Variants in THNSL2 observed in about 807,000 individuals in gnomAD.
The protein encoded by THNSL2 is threonine synthase like 2, also known as threonine synthase-like 2.
Under a neutral mutation model 40.0 loss-of-function variants are expected in THNSL2, and 34 were observed. The ratio of observed to expected loss-of-function variants is 0.85; its 90% CI spans 0.65 to 1.13. The LOEUF is 1.13. THNSL2 is among the 50% of genes most tolerant of loss of function. The probability of loss-of-function intolerance (pLI) is 0.00; values close to 1 mark genes in which losing one functional copy is unlikely to be tolerated. For synonymous variants in THNSL2, 241 were observed against 247.5 expected (o/e 0.97, Z 0.25); for missense variants, 537 against 608.8 (o/e 0.88, Z 1.24).
chr2:88,185,507 G>C, intron 8 of THNSL2, 28 bp downstream of exon 8: 1 of 1,584,026 alleles, frequency 6.3e-7, no homozygotes, highest in Non-Finnish European at 8.6e-7. Context: ...CTGGGCCACT[G>C]AGGGACCATT....
chr2:88,179,814 G>C (rs904325092), intron 5 of THNSL2, among the ~76,000 whole-genome samples: 1 of 152,208 alleles, frequency 6.6e-6, no homozygotes, highest in Non-Finnish European at 1.5e-5. Context: ...ACAGAGAAAG[G>C]AGTCATGCCC....
Position 88,186,460 on chromosome 2 carries a change from G to C in THNSL2, c.*337G>C, listed in dbSNP as rs1027507855. ...TCCAGGGGTTTAGGACCCCAGACCTGTGAAGGTGGGAGCAGCTCACCACCT... is the reference window on the plus strand; with the variant it reads ...TCCAGGGGTTTAGGACCCCAGACCTCTGAAGGTGGGAGCAGCTCACCACCT... On this transcript the variant is annotated 3_prime_UTR_variant, in exon 9 of 9. Coordinates refer to ENST00000674334, the MANE Select transcript of THNSL2 (RefSeq NM_018271.5). 2 of 295,012 alleles carry C rather than the reference G, an allele frequency of 6.8e-6. No homozygotes were observed. Among genetic ancestry groups the C allele is most frequent in the Non-Finnish European group, 1.3e-5 (2 of 152,486 alleles). 18.3% of individuals were successfully genotyped at this position (295,012 alleles called of 1,614,324 possible).
At chr2:88,171,555 C>A (rs868722508) in intron 1 of THNSL2, 1 of 287,250 alleles carries the variant, frequency 3.5e-6, no homozygotes, top group African/African-American at 2.2e-5. Flanking sequence ...AAGTCTGGTC[C>A]TATGAAGGCC....
At chr2:88,181,982 A>T (rs1216229303) in intron 5 of THNSL2, among the ~76,000 whole-genome samples, 1 of 152,210 alleles carries the variant, frequency 6.6e-6, no homozygotes, top group Non-Finnish European at 1.5e-5. Context: ...TGGATATACC[A>T]TACAGTGGTA....
chr2:88,176,535 C>G (rs1676957812), intron 4 of THNSL2: 1 of 152,230 alleles, frequency 6.6e-6, no homozygotes, highest in South Asian at 2.1e-4. Flanking sequence ...CCTGACAGAA[C>G]AGCAAGTGTG....
rs1475043939 is a variant in THNSL2 at position 88,178,908 on chromosome 2, G to A, written c.697G>A (p.Ala233Thr). ...INWSRVLVQMAHHFFAYFQCT... is the reference protein window; with the variant it reads ...INWSRVLVQMTHHFFAYFQCT... ...CTGGTCCCGGGTCCTGGTGCAGATG[G>A]CCCATCACTTCTTTGCTTACTTCCA... The change falls in exon 5 of 9, where the codon GCC (alanine) becomes ACC (threonine). Residue 233 changes from alanine (A) to threonine (T), a missense_variant. Ala to Thr is a moderately conservative substitution (Grantham distance 58). Coordinates refer to ENST00000674334, the MANE Select transcript of THNSL2 (RefSeq NM_018271.5). 2.5e-6 allele frequency: 4 copies of A among 1,614,180 alleles called. No homozygotes were observed. Among genetic ancestry groups the A allele is most frequent in the Admixed American group, 3.3e-5 (2 of 60,018 alleles).
Position 88,186,471 on chromosome 2 carries a change from A to G in THNSL2, c.*348A>G. ...AGGACCCCAGACCTGTGAAGGTGGG[A>G]GCAGCTCACCACCTTCACGCAGGCT... On this transcript the variant is annotated 3_prime_UTR_variant, in exon 9 of 9. Coordinates refer to ENST00000674334, the MANE Select transcript of THNSL2 (RefSeq NM_018271.5). 3.6e-6 allele frequency: 1 copy of G among 280,838 alleles called. No homozygotes were observed. The highest frequency in any genetic ancestry group is 6.9e-6 in the Non-Finnish European group (1 of 143,924). The allele number at this position is 280,838 out of a possible 1,614,324, so 17.4% of individuals were successfully genotyped here.
At chr2:88,170,789 T>C (rs1215726880) in intron 1 of THNSL2, among the ~76,000 whole-genome samples, 1 of 152,036 alleles carries the variant, frequency 6.6e-6, no homozygotes, top group Non-Finnish European at 1.5e-5. Flanking sequence ...GCGGGATGAC[T>C]GGCACCGGTA....
chr2:88,186,113 C>T lies in THNSL2; in HGVS notation c.1445C>T (p.Thr482Ile), dbSNP rs141207786. ...CAGTGGAGGAGTCATGCCCTCAACA[C>T]CTCCCAGTAGCCTGGCTGGAGGTGG... ...SRQWRSHALN[T>I]SQ The change falls in exon 9 of 9, where the codon ACC becomes ATC. Residue 482 changes from threonine (T) to isoleucine (I), a missense_variant. Physicochemically the swap from Thr to Ile is moderately conservative, Grantham distance 89. Coordinates refer to ENST00000674334, the MANE Select transcript of THNSL2 (RefSeq NM_018271.5). 724 of 1,554,750 alleles carry T rather than the reference C, an allele frequency of 4.7e-4. 3 individuals are homozygous for T. The African/African-American group carries it at 9.0e-3, about 19-fold the overall frequency.
At chr2:88,184,270 G>A (rs1678013076) in intron 7 of THNSL2, among the ~76,000 whole-genome samples, 1 of 152,134 alleles carries the variant, frequency 6.6e-6, no homozygotes, top group Admixed American at 6.5e-5. Flanking sequence ...CATGAAGACA[G>A]ACACCATACC....
At chr2:88,179,619 G>T (rs1024388122) in intron 5 of THNSL2, among the ~76,000 whole-genome samples, 3 of 152,188 alleles carry the variant, frequency 2.0e-5, no homozygotes, top group East Asian at 1.9e-4. Context: ...CTGTGTGCAT[G>T]CAAACTTTGT....
At position 88,175,291 on chromosome 2, in the gene THNSL2, A is replaced by G. The variant is rs1247762193; in HGVS notation, c.461A>G (p.Gln154Arg). 1.2e-6 allele frequency: 2 copies of G among 1,614,086 alleles called. No individual in the cohort carries two copies. The highest frequency in any genetic ancestry group is 2.7e-5 in the African/African-American group (2 of 74,942). Residue 154 changes from glutamine (Q) to arginine (R), a missense_variant, in exon 4 of 9, where the codon CAA becomes CGA. Coordinates refer to ENST00000674334, the MANE Select transcript of THNSL2 (RefSeq NM_018271.5). The part of the protein sequence containing the change: ...DTGSAAIESV[Q>R]GAKNMDIIVL... ...GGAAGTGCTGCCATTGAGAGTGTTC[A>G]AGGGGCAAAGAACATGGACATTATC... is the stretch of plus-strand genomic sequence containing the variant.
Position 88,186,078 on chromosome 2 carries a change from C to A in THNSL2, c.1410C>A (p.Asp470Glu). 1 of 1,570,576 alleles carries A rather than the reference C, an allele frequency of 6.4e-7. No individual in the cohort carries two copies. The highest frequency in any genetic ancestry group is 8.6e-7 in the Non-Finnish European group (1 of 1,157,552). Reference protein sequence around the residue: ...WMLMLRDTIEDLSRQWRSHAL... With the variant: ...WMLMLRDTIEELSRQWRSHAL... ...TGATGCTTCGGGACACCATTGAGGA[C>A]CTTAGCCGACAGTGGAGGAGTCATG... The change falls in exon 9 of 9, where the codon GAC (aspartate) becomes GAA (glutamate). Residue 470 changes from aspartate to glutamate, a missense_variant. Physicochemically the swap from Asp to Glu is conservative, Grantham distance 45. Coordinates refer to ENST00000674334, the MANE Select transcript of THNSL2 (RefSeq NM_018271.5).
chr2:88,180,444 T>C (rs1677411984), intron 5 of THNSL2, among the ~76,000 whole-genome samples: 1 of 152,132 alleles, frequency 6.6e-6, no homozygotes, highest in Non-Finnish European at 1.5e-5. Context: ...TGGTGGCGCA[T>C]GCCTGTAATC....
intron 4 of THNSL2, among the ~76,000 whole-genome samples, chr2:88,177,473 T>A (rs1378137491): frequency 6.6e-6 from 1 of 152,196 alleles, no homozygotes; most frequent in Non-Finnish European, 1.5e-5. Context: ...TGCTAGGTAT[T>A]TATTGTTATT....
intron 4 of THNSL2, among the ~76,000 whole-genome samples, chr2:88,177,867 CT>C (rs542690943): frequency 1.5e-3 from 227 of 152,340 alleles, no homozygotes; most frequent in Middle Eastern, 6.8e-3. Flanking sequence ...CACTGATTGG[CT>C]TGGTCCTGGC....
rs1238674841 is a variant in THNSL2, at chr2:88,174,632, C to T, written c.224-7C>T. 1.2e-6 allele frequency: 2 copies of T among 1,613,010 alleles called. No individual in the cohort carries two copies. The highest frequency in any genetic ancestry group is 4.5e-5 in the East Asian group (2 of 44,864). On this transcript the variant is annotated splice_region_variant and splice_polypyrimidine_tract_variant and intron_variant, in intron 2 of 8. Coordinates refer to ENST00000674334, the MANE Select transcript of THNSL2 (RefSeq NM_018271.5). The stretch of plus-strand genomic sequence containing the variant: ...CTCATTGGCTATCCACCCCACTACC[C>T]TCACAGATCTGATCGACCGAGCCTT...
Position 88,182,724 on chromosome 2 carries a change from C to A in THNSL2, c.828C>A (p.Gly276=). The change falls in exon 6 of 9, where the codon GGC becomes GGA. Residue 276 remains glycine (G), a synonymous_variant. Coordinates refer to ENST00000674334, the MANE Select transcript of THNSL2 (RefSeq NM_018271.5). ...LAAGYIAQKI[G]LPIRLVVAVN... is the part of the protein sequence containing the mutation. Reference sequence around the variant, plus strand: ...CTGGGTACATTGCTCAAAAGATAGGCCTGCCCATCCGTCTGGTCGTGGCAG... The same window carrying A: ...CTGGGTACATTGCTCAAAAGATAGGACTGCCCATCCGTCTGGTCGTGGCAG... 1 of 1,613,498 alleles carries A rather than the reference C, an allele frequency of 6.2e-7. No individual in the cohort carries two copies. Among genetic ancestry groups the A allele is most frequent in the Non-Finnish European group, 8.5e-7 (1 of 1,179,500 alleles).
At chr2:88,181,109 CTCCTCTCTCTCT>C in intron 5 of THNSL2, among the ~76,000 whole-genome samples, 1 of 2,652 alleles carries the variant, frequency 3.8e-4, no homozygotes, top group African/African-American at 1.5e-3. Flanking sequence ...TCTCCTCTCT[CTCCTCTCTCTCT>C]CCTCTCTCTC....
Sources: gnomAD v4.1 joint callset for allele counts (sites outside exome capture counted in the v4.1 genomes callset) on GRCh38, gnomAD v4.1.1 for gene constraint, MANE v1.5 for transcripts, NCBI Gene and HGNC (gene_info 2026-07-23, HGNC 2026-07-21) for gene names.